PALM2AKAP2: variants seen among roughly 807,000 people sequenced by gnomAD.
PALM2AKAP2 encodes PALM2-AKAP2 fusion protein.
PALM2AKAP2 carries 37 observed loss-of-function variants against 71.5 expected under a neutral mutation model. The ratio of observed to expected loss-of-function variants is 0.52; its 90% confidence interval spans 0.40 to 0.68. PALM2AKAP2 has a LOEUF of 0.68. PALM2AKAP2 is among the 30% of genes least tolerant of loss of function. The pLI is 0.00. For synonymous variants in PALM2AKAP2, 468 were observed against 478.8 expected, an observed-to-expected ratio of 0.98 and a Z score of 0.29; for missense variants, 1,224 against 1,191.8, an observed-to-expected ratio of 1.03 and a Z score of -0.40.
Position 109,662,862 on chromosome 9 carries a change from T to C in PALM2AKAP2, c.5+21996T>C, listed in dbSNP as rs150114473. Among the ~76,000 whole-genome samples the C allele has an allele frequency of 9.5e-4, 145 of 152,328 alleles. 1 individual carries two copies. Among genetic ancestry groups the C allele is most frequent in the Middle Eastern group, 6.8e-3 (2 of 294 alleles). On this transcript the variant is annotated intron_variant, in intron 1 of 6. Transcript: ENST00000374531. Reference sequence around the variant, plus strand: ...AATTTCAGAGCCTGTTATTGGTCTATTCAAAGATTCAGCTTCTTCCTGGTT... The same window carrying C: ...AATTTCAGAGCCTGTTATTGGTCTACTCAAAGATTCAGCTTCTTCCTGGTT...
chr9:109,892,081 T>C (rs1830103160), intron 3 of PALM2AKAP2, among the ~76,000 whole-genome samples: 1 of 152,222 alleles, frequency 6.6e-6, no homozygotes, highest in Non-Finnish European at 1.5e-5. Flanking sequence ...ACTGTGTTCA[T>C]TTCCTGAGAC....
intron 1 of PALM2AKAP2, chr9:110,125,570 A>T: frequency 1.0e-6 from 1 of 985,368 alleles, no homozygotes; most frequent in African/African-American, 1.7e-5. Context: ...CTCACTGAGG[A>T]GGTTTGAGGC....
At chr9:110,135,041 T>C (rs977145570) in intron 1 of PALM2AKAP2, among the ~76,000 whole-genome samples, 22 of 148,002 alleles carry the variant, frequency 1.5e-4, no homozygotes, top group Admixed American at 6.8e-5. Context: ...ATGGGTTGGG[T>C]GTGGTGGCTC....
intron 2 of PALM2AKAP2, among the ~76,000 whole-genome samples, chr9:109,875,926 C>T (rs185182047): frequency 6.6e-6 from 1 of 152,164 alleles, no homozygotes; most frequent in Admixed American, 6.5e-5. Flanking sequence ...GCTGCCAGCT[C>T]CCCACCTGCT....
chr9:110,137,531 G>A, exon 2 of PALM2AKAP2: 1 of 1,614,234 alleles, frequency 6.2e-7, no homozygotes. Flanking sequence ...TAAACTGTGG[G>A]CTGAGGATGG....
chr9:109,780,062 C>A (rs1829411254), upstream of PALM2AKAP2, among the ~76,000 whole-genome samples: 1 of 151,264 alleles, frequency 6.6e-6, no homozygotes, highest in Non-Finnish European at 1.5e-5. Context: ...GCCTTGGAGA[C>A]CCGCGGCGGC....
chr9:109,715,309 A>T (rs1313932388), intron 1 of PALM2AKAP2, among the ~76,000 whole-genome samples: 1 of 152,136 alleles, frequency 6.6e-6, no homozygotes, highest in African/African-American at 2.4e-5. Flanking sequence ...GGTTTTGGGG[A>T]CTTAGGGAAG....
intron 1 of PALM2AKAP2, among the ~76,000 whole-genome samples, chr9:109,786,713 A>T (rs753772311): frequency 6.6e-6 from 1 of 152,124 alleles, no homozygotes; most frequent in Non-Finnish European, 1.5e-5. Flanking sequence ...TGTACCTCTG[A>T]GTATTTCAGT....
chr9:109,890,755 CA>C (rs1830069811), intron 3 of PALM2AKAP2, among the ~76,000 whole-genome samples: 1 of 152,158 alleles, frequency 6.6e-6, no homozygotes, highest in South Asian at 2.1e-4. Context: ...GTTAAACTTG[CA>C]AAGTGAAGAA....
In PALM2AKAP2 at chr9:109,670,160, G is replaced by T. The variant is rs764786427; in HGVS notation, c.5+29294G>T. Reference sequence around the variant, plus strand: ...ATTTCAGGGGTACATATGCCAGTTTGTTACATAGGTAGACTTGTGTCATGG... The same window carrying T: ...ATTTCAGGGGTACATATGCCAGTTTTTTACATAGGTAGACTTGTGTCATGG... On this transcript the variant is annotated intron_variant, in intron 1 of 6. Transcript: ENST00000374531. Among the ~76,000 whole-genome samples the T allele has an allele frequency of 1.9e-4, 29 of 152,150 alleles. 1 individual carries two copies. Among genetic ancestry groups the T allele is most frequent in the Middle Eastern group, 3.4e-3 (1 of 294 alleles).
At chr9:109,853,147 G>A (rs1282218302) in intron 1 of PALM2AKAP2, among the ~76,000 whole-genome samples, 1 of 152,116 alleles carries the variant, frequency 6.6e-6, no homozygotes, top group Non-Finnish European at 1.5e-5. Flanking sequence ...CATCTGTAAT[G>A]GAGGGATAAT....
chr9:109,702,599 G>C (rs1376705947), intron 1 of PALM2AKAP2, among the ~76,000 whole-genome samples: 1 of 151,166 alleles, frequency 6.6e-6, no homozygotes, highest in East Asian at 2.0e-4. Context: ...TTGTGGGGGT[G>C]GGGGTAGGGG....
intron 5 of PALM2AKAP2, among the ~76,000 whole-genome samples, chr9:109,925,853 T>G (rs1830945396): frequency 6.6e-6 from 1 of 152,202 alleles, no homozygotes; most frequent in Non-Finnish European, 1.5e-5. Flanking sequence ...TAGACCTGCT[T>G]TACAATGCAG....
intron 7 of PALM2AKAP2, among the ~76,000 whole-genome samples, chr9:110,022,806 C>T (rs1448026981): frequency 6.6e-6 from 1 of 151,852 alleles, no homozygotes; most frequent in African/African-American, 2.4e-5. Context: ...TCAGTTCCCA[C>T]CTATGAGTGA....
chr9:109,851,159 A>G (rs1829000595), intron 1 of PALM2AKAP2, among the ~76,000 whole-genome samples: 2 of 150,962 alleles, frequency 1.3e-5, no homozygotes, highest in South Asian at 2.1e-4. Context: ...CCTGGGCAAC[A>G]GAGGGAGACT....
intron 1 of PALM2AKAP2, among the ~76,000 whole-genome samples, chr9:110,068,750 C>T (rs1261085408): frequency 6.8e-6 from 1 of 147,290 alleles, no homozygotes; most frequent in Non-Finnish European, 1.5e-5. Flanking sequence ...CCAGACTGGT[C>T]TCGAACTCCT....
chr9:110,076,146 C>T (rs117584955), intron 1 of PALM2AKAP2, among the ~76,000 whole-genome samples: 2,328 of 152,206 alleles, frequency 0.015, 28 homozygotes, highest in Middle Eastern at 0.031. Context: ...TTATCACCCT[C>T]TAATCTGATA....
At chr9:110,165,588 G>A (rs1836714772) in intron 3 of PALM2AKAP2, among the ~76,000 whole-genome samples, 1 of 152,068 alleles carries the variant, frequency 6.6e-6, no homozygotes, top group African/African-American at 2.4e-5. Context: ...CATGGTAAAT[G>A]GGCATACATA....
At chr9:110,038,001 A>G (rs1164669894) in intron 7 of PALM2AKAP2, among the ~76,000 whole-genome samples, 1 of 152,168 alleles carries the variant, frequency 6.6e-6, no homozygotes, top group East Asian at 1.9e-4. Context: ...CAAATTAAAG[A>G]TTTGTAAAAT....
Sources: allele counts gnomAD v4.1 joint callset (sites outside exome capture counted in the v4.1 genomes callset), GRCh38; gene constraint gnomAD v4.1.1; transcripts MANE v1.5; gene names NCBI Gene and HGNC (gene_info 2026-07-23, HGNC 2026-07-21).